The following TMPRSS9 variants were observed in gnomAD, a reference collection of about 807,000 sequenced individuals.
The protein encoded by TMPRSS9 is transmembrane protease serine 9.
TMPRSS9 carries 113 observed loss-of-function variants against 111.4 expected under a neutral mutation model. The ratio of observed to expected loss-of-function variants is 1.01; its 90% confidence interval spans 0.87 to 1.19. TMPRSS9 has a LOEUF of 1.19. Among genes scored for constraint, TMPRSS9 ranks in the 50% most tolerant of loss-of-function variants. The probability of loss-of-function intolerance (pLI) is 0.00; values close to 1 mark genes in which losing one functional copy is unlikely to be tolerated. For missense variants in TMPRSS9, 1,803 were observed against 1,513.1 expected, an observed-to-expected ratio of 1.19 and a Z score of -3.18; for synonymous variants, 805 against 659.1, an observed-to-expected ratio of 1.22 and a Z score of -3.39.
intron 1 of TMPRSS9, among the ~76,000 whole-genome samples, chr19:2,375,022 T>C (rs1568169326): frequency 1.3e-5 from 2 of 152,190 alleles, no homozygotes; most frequent in Non-Finnish European, 2.9e-5. Flanking sequence ...TGACTCACTC[T>C]GGTGTCTGCT....
intron 15 of TMPRSS9, 139 bp downstream of exon 16, chr19:2,424,396 C>T: frequency 1.1e-6 from 1 of 945,848 alleles, no homozygotes; most frequent in Non-Finnish European, 1.4e-6. Flanking sequence ...CCCCAGGCCA[C>T]TCCTCCCACC....
At chr19:2,386,652 A>G (rs968784784), upstream of TMPRSS9, among the ~76,000 whole-genome samples, 4 of 152,166 alleles carry the variant, frequency 2.6e-5, no homozygotes, top group African/African-American at 9.6e-5. Flanking sequence ...TTAGCGTGAC[A>G]ATGGGAGAGT....
chr19:2,390,293 T>A (rs1210692164), intron 1 of TMPRSS9, among the ~76,000 whole-genome samples: 1 of 90,180 alleles, frequency 1.1e-5, no homozygotes, highest in Non-Finnish European at 2.5e-5. Flanking sequence ...CAGGCTGGAG[T>A]GCAGTGGTGT....
upstream of TMPRSS9, among the ~76,000 whole-genome samples, chr19:2,388,285 C>T (rs534306158): frequency 7.9e-4 from 120 of 152,060 alleles, no homozygotes; most frequent in Non-Finnish European, 1.2e-3. Context: ...TACTAGGAGG[C>T]GGAGGTGGGA....
At chr19:2,401,936 C>T (rs747925942) in intron 4 of TMPRSS9, 39 bp from the exon 6 acceptor site, 2 of 1,595,548 alleles carry the variant, frequency 1.3e-6, no homozygotes, top group South Asian at 1.1e-5. Context: ...GGTTTTACCG[C>T]TTATTCAGTG....
At chr19:2,382,423 C>T (rs530658307) in intron 1 of TMPRSS9, among the ~76,000 whole-genome samples, 29 of 152,300 alleles carry the variant, frequency 1.9e-4, no homozygotes, top group African/African-American at 6.0e-4. Flanking sequence ...TGAGCCACCG[C>T]GCCCGGTCAA....
At chr19:2,409,868 G>A (rs188253064) in intron 8 of TMPRSS9, among the ~76,000 whole-genome samples, 11 of 152,112 alleles carry the variant, frequency 7.2e-5, no homozygotes, top group Middle Eastern at 3.4e-3. Context: ...ATAATGACCC[G>A]GGCAAGGATG....
intron 10 of TMPRSS9, among the ~76,000 whole-genome samples, chr19:2,415,189 C>A (rs1735972089): frequency 6.6e-6 from 1 of 152,078 alleles, no homozygotes; most frequent in African/African-American, 2.4e-5. Context: ...AGGTGATCTG[C>A]CCGCCTTGGC....
rs548828606 is a variant in TMPRSS9 at position 2,425,588 on chromosome 19, C to T, written c.3120+95C>T. 5.7e-6 allele frequency: 8 copies of T among 1,392,160 alleles called. No individual in the cohort carries two copies. The East Asian group carries it at 2.1e-4, about 36-fold the overall frequency. The allele number at this position is 1,392,160 out of a possible 1,614,324, so 86.2% of individuals were successfully genotyped here. A position where few individuals can be genotyped will look rare whatever the true frequency, so the allele number is the denominator to read the frequency against. ...CGAAGCCCACCATCCGGGAGCCACC[C>T]TCCGGTGCAGGCTTCTCCAGCGGAT... On this transcript the variant is annotated intron_variant, in intron 17 of 17. Coordinates refer to ENST00000648592, the Ensembl canonical transcript of TMPRSS9.
At position 2,368,780 on chromosome 19, in the gene TMPRSS9, T is replaced by TTTTTTTTTTTTTTA. The variant is rs1970266582; in HGVS notation, c.-26+8433_-26+8434insATTTTTTTTTTTTT. On this transcript the variant is annotated intron_variant, in intron 1 of 17. Coordinates refer to the TMPRSS9 transcript ENST00000649857. ...GGCATCAAGGATAAACCCAGTTTTT[T>TTTTTTTTTTTTTTA]TTTTTTTTTTTTTTTTTTTTTAAAG... 3.8e-5 allele frequency among the ~76,000 whole-genome samples: 4 copies of TTTTTTTTTTTTTTA among 103,966 alleles called. 1 individual carries two copies. The highest frequency in any genetic ancestry group is 2.1e-4 in the African/African-American group (4 of 19,050). The allele number at this position is 103,966 out of a possible 152,430, so 68.2% of individuals were successfully genotyped here. A position where few individuals can be genotyped will look rare whatever the true frequency, so the allele number is the denominator to read the frequency against.
intron 9 of TMPRSS9, among the ~76,000 whole-genome samples, chr19:2,412,872 G>C (rs1424548496): frequency 6.6e-6 from 1 of 152,130 alleles, no homozygotes; most frequent in Non-Finnish European, 1.5e-5. Context: ...GAAAATGCTA[G>C]GAACTAATGA....
intron 1 of TMPRSS9, among the ~76,000 whole-genome samples, chr19:2,367,721 G>T (rs1014956618): frequency 1.3e-5 from 2 of 152,120 alleles, no homozygotes; most frequent in Admixed American, 1.3e-4. Flanking sequence ...CTGCCACCAT[G>T]CCTGGCTAAT....
chr19:2,360,937 G>A (rs929595999), intron 1 of TMPRSS9, among the ~76,000 whole-genome samples: 1 of 151,170 alleles, frequency 6.6e-6, no homozygotes, highest in African/African-American at 2.4e-5. Flanking sequence ...GCTGAGATGT[G>A]TAGATACAGC....
At chr19:2,366,856 C>CAAA (rs769704683) in intron 1 of TMPRSS9, among the ~76,000 whole-genome samples, 1 of 61,334 alleles carries the variant, frequency 1.6e-5, no homozygotes, top group Admixed American at 1.9e-4. Flanking sequence ...GACTCCATTT[C>CAAA]AAAAAAAAAA....
chr19:2,426,174 C>A (rs1971625695), exon 18 of TMPRSS9: 5 of 1,079,302 alleles, frequency 4.6e-6, no homozygotes, highest in Admixed American at 3.4e-5. Flanking sequence ...CCGTACCCTA[C>A]CCAAGGACGG....
At chr19:2,394,073 T>A (rs1261504729) in intron 1 of TMPRSS9, among the ~76,000 whole-genome samples, 1 of 152,012 alleles carries the variant, frequency 6.6e-6, no homozygotes, top group Non-Finnish European at 1.5e-5. Flanking sequence ...CATGGTGGCA[T>A]GTGCCTGTAG....
intron 1 of TMPRSS9, among the ~76,000 whole-genome samples, chr19:2,366,202 C>T (rs1010376310): frequency 1.3e-5 from 2 of 151,888 alleles, no homozygotes; most frequent in African/African-American, 4.8e-5. Flanking sequence ...AAAAAATTAG[C>T]CGGGTGTGGT....
intron 1 of TMPRSS9, among the ~76,000 whole-genome samples, chr19:2,371,820 AC>A (rs1295511038): frequency 6.6e-6 from 1 of 151,874 alleles, no homozygotes; most frequent in Non-Finnish European, 1.5e-5. Context: ...TCACCCCATC[AC>A]CACCGCGTTG....
chr19:2,426,039 C>G, exon 18 of TMPRSS9: 1 of 1,609,182 alleles, frequency 6.2e-7, no homozygotes, highest in East Asian at 2.2e-5. Flanking sequence ...GGTGTCTATA[C>G]CCGGGTGGCA....
Sources: allele counts gnomAD v4.1 joint callset (sites outside exome capture counted in the v4.1 genomes callset), GRCh38; gene constraint gnomAD v4.1.1; transcripts MANE v1.5; gene names NCBI Gene and HGNC (gene_info 2026-07-23, HGNC 2026-07-21).